L3MBTL3: variants seen among roughly 807,000 people sequenced by gnomAD.
L3MBTL3 encodes L3MBTL histone methyl-lysine binding protein 3, also known as lethal(3)malignant brain tumor-like protein 3.
L3MBTL3 carries 27 observed loss-of-function variants against 102.3 expected under a neutral mutation model. That is an observed-to-expected ratio of 0.26 (90% CI 0.19 to 0.36). L3MBTL3 has a LOEUF of 0.36. Among genes scored for constraint, L3MBTL3 ranks in the 10% least tolerant of loss-of-function variants. L3MBTL3 has a pLI of 1.00. For missense variants in L3MBTL3, 798 were observed against 955.3 expected, an observed-to-expected ratio of 0.84 and a Z score of 2.17; for synonymous variants, 340 against 320.9, an observed-to-expected ratio of 1.06 and a Z score of -0.64.
Position 130,133,670 on chromosome 6 carries a change from C to G in L3MBTL3, c.2136+49C>G, listed in dbSNP as rs756618878. The stretch of plus-strand genomic sequence containing the variant: ...CCGACACCAGATACAGGATTACTGG[C>G]TTAAGAGGTGTGGAACATTGAGCGT... On this transcript the variant is annotated intron_variant, in intron 21 of 22. Coordinates refer to ENST00000361794, the MANE Select transcript of L3MBTL3 (RefSeq NM_032438.4). This position sits in a 1 kb window ranked among gnomAD's most constrained non-coding sequence, Gnocchi z 4.9. 1 of 1,597,138 alleles carries G rather than the reference C, an allele frequency of 6.3e-7. No homozygotes were observed.
chr6:130,114,210 T>C (rs917313474), intron 19 of L3MBTL3, among the ~76,000 whole-genome samples: 7 of 152,180 alleles, frequency 4.6e-5, no homozygotes, highest in African/African-American at 1.7e-4. Context: ...GTTAAAACAC[T>C]CACAGTTCTG....
chr6:130,116,642 A>G (rs888466515), intron 19 of L3MBTL3, among the ~76,000 whole-genome samples: 2 of 152,124 alleles, frequency 1.3e-5, no homozygotes, highest in Non-Finnish European at 2.9e-5. Flanking sequence ...AGTTTCAGCT[A>G]CTTGGGAGGC....
chr6:130,049,134 T>C, intron 3 of L3MBTL3, 148 bp from the exon 4 acceptor site: 1 of 588,404 alleles, frequency 1.7e-6, no homozygotes. Context: ...GTCTTAGTAT[T>C]GGTGGGAGGT....
In L3MBTL3 at chr6:130,108,053, A is replaced by C. The variant is rs565789143; in HGVS notation, c.1886+3478A>C. Among the ~76,000 whole-genome samples the C allele has an allele frequency of 7.2e-5, 11 of 152,200 alleles. 1 individual carries two copies. In the South Asian group the frequency reaches 2.3e-3, roughly 32 times the overall value. On this transcript the variant is annotated intron_variant, in intron 19 of 22. Transcript: ENST00000361794. ...GGAACATGGGGCACTGCTTGGATTT[A>C]AATCTCGGCTTCCCTACTTGCTAGG...
chr6:130,122,594 G>A (rs1786307245), intron 20 of L3MBTL3, among the ~76,000 whole-genome samples: 2 of 152,336 alleles, frequency 1.3e-5, no homozygotes, highest in Non-Finnish European at 1.5e-5. Flanking sequence ...CATAGAAAGT[G>A]CTATGCAAGT....
intron 11 of L3MBTL3, 141 bp downstream of exon 11, chr6:130,066,629 G>A (rs1213711601): frequency 9.6e-6 from 6 of 625,586 alleles, no homozygotes; most frequent in South Asian, 7.0e-5. Context: ...ATGAAACCAT[G>A]TTTATTAAAG....
At chr6:130,128,520 A>G (rs558937508) in intron 20 of L3MBTL3, among the ~76,000 whole-genome samples, 1 of 152,270 alleles carries the variant, frequency 6.6e-6, no homozygotes, top group South Asian at 2.1e-4. Flanking sequence ...TCCAATTAGC[A>G]GAACTCACAG....
intron 20 of L3MBTL3, among the ~76,000 whole-genome samples, chr6:130,125,161 G>A (rs544561243): frequency 1.3e-5 from 2 of 152,184 alleles, no homozygotes; most frequent in East Asian, 3.9e-4. Context: ...AGTAACTATT[G>A]CCAACCAATA....
intron 12 of L3MBTL3, among the ~76,000 whole-genome samples, chr6:130,069,714 G>A (rs1782505004): frequency 6.6e-6 from 1 of 152,214 alleles, no homozygotes; most frequent in Non-Finnish European, 1.5e-5. Context: ...CTCTGATGAT[G>A]ACTTCAGTCA....
intron 1 of L3MBTL3, among the ~76,000 whole-genome samples, chr6:130,019,877 GCGGGC>G (rs1228792371): frequency 2.8e-5 from 4 of 140,722 alleles, no homozygotes; most frequent in Admixed American, 7.0e-5. Context: ...GGCGCGGGCC[GCGGGC>G]CGGGCCGGGA....
intron 20 of L3MBTL3, 77 bp downstream of exon 20, chr6:130,121,035 A>G: frequency 3.4e-6 from 3 of 870,862 alleles, no homozygotes; most frequent in South Asian, 1.6e-5. Flanking sequence ...CTGGAATACA[A>G]CAGTCTCTTT....
intron 2 of L3MBTL3, among the ~76,000 whole-genome samples, chr6:130,025,207 G>T (rs1031141110): frequency 1.3e-5 from 2 of 152,192 alleles, no homozygotes; most frequent in African/African-American, 4.8e-5. Context: ...TATAGGTAAA[G>T]ATAGTGTCTT....
chr6:130,021,042 C>T (rs1354339817), intron 1 of L3MBTL3, among the ~76,000 whole-genome samples: 2 of 151,950 alleles, frequency 1.3e-5, no homozygotes, highest in Non-Finnish European at 2.9e-5. Context: ...TTTCCTAGAG[C>T]GTTGTTTGTG....
intron 16 of L3MBTL3, among the ~76,000 whole-genome samples, chr6:130,088,274 C>G (rs1783816759): frequency 6.6e-6 from 1 of 152,090 alleles, no homozygotes; most frequent in South Asian, 2.1e-4. Context: ...TTTATGAGGT[C>G]TTTAAAAGGC....
At chr6:130,054,830 A>G (rs1433505943) in intron 7 of L3MBTL3, among the ~76,000 whole-genome samples, 1 of 152,214 alleles carries the variant, frequency 6.6e-6, no homozygotes, top group Non-Finnish European at 1.5e-5. Context: ...AGGGAACTGG[A>G]TTGGAGGAGA....
intron 18 of L3MBTL3, 124 bp downstream of exon 18, chr6:130,094,491 G>GT: frequency 2.0e-6 from 1 of 493,686 alleles, no homozygotes; most frequent in Non-Finnish European, 3.4e-6. Flanking sequence ...AAGAAATGTG[G>GT]TTACCATGGT....
chr6:130,109,494 A>C (rs1471731823), intron 19 of L3MBTL3, among the ~76,000 whole-genome samples: 1 of 152,186 alleles, frequency 6.6e-6, no homozygotes, highest in African/African-American at 2.4e-5. Flanking sequence ...TGTTGGCCAC[A>C]AAATGTCTTC....
chr6:130,019,305 C>G (rs997053997), intron 1 of L3MBTL3: 1 of 142,586 alleles, frequency 7.0e-6, no homozygotes, highest in African/African-American at 2.5e-5. Flanking sequence ...AGGCGGGGGG[C>G]GCCGGCGGGG....
At chr6:130,075,327 G>T (rs1782881322) in intron 13 of L3MBTL3, among the ~76,000 whole-genome samples, 1 of 152,058 alleles carries the variant, frequency 6.6e-6, no homozygotes, top group South Asian at 2.1e-4. Flanking sequence ...GAGGACATGG[G>T]GATTTGAGCT....
Sources: gnomAD v4.1 joint callset for allele counts (sites outside exome capture counted in the v4.1 genomes callset) on GRCh38, gnomAD v4.1.1 for gene constraint, Gnocchi (gnomAD v3.1) non-coding constraint, MANE v1.5 for transcripts, NCBI Gene and HGNC (gene_info 2026-07-23, HGNC 2026-07-21) for gene names.